PTPRE: variants seen among roughly 807,000 people sequenced by gnomAD.
PTPRE encodes the protein protein tyrosine phosphatase receptor type E, also known as receptor-type tyrosine-protein phosphatase epsilon.
Under a neutral mutation model 102.0 loss-of-function variants are expected in PTPRE, and 51 were observed. The observed-to-expected ratio is 0.50, with a 90% CI of 0.40 to 0.63. The LOEUF is 0.63. PTPRE is among the 30% of genes least tolerant of loss of function. The probability of loss-of-function intolerance (pLI) is 0.00; values close to 1 mark genes in which losing one functional copy is unlikely to be tolerated. For missense variants in PTPRE, 752 were observed against 915.1 expected, an observed-to-expected ratio of 0.82 and a Z score of 2.30; for synonymous variants, 345 against 348.2, an observed-to-expected ratio of 0.99 and a Z score of 0.10.
chr10:127,908,576 T>C (rs1014240175), intron 1 of PTPRE, among the ~76,000 whole-genome samples: 1 of 152,110 alleles, frequency 6.6e-6, no homozygotes, highest in Non-Finnish European at 1.5e-5. Context: ...TGGGCAGAGC[T>C]CTGTGGTGTG....
intron 19 of PTPRE, among the ~76,000 whole-genome samples, chr10:128,078,928 C>A (rs550384908): frequency 6.3e-4 from 96 of 152,276 alleles, no homozygotes; most frequent in African/African-American, 1.9e-3. Flanking sequence ...GCCGGTCCAC[C>A]CCACCTCCTC....
chr10:128,055,596 C>A (rs1848889219), intron 6 of PTPRE, among the ~76,000 whole-genome samples: 1 of 152,128 alleles, frequency 6.6e-6, no homozygotes, highest in Non-Finnish European at 1.5e-5. Context: ...ACAGAGCACA[C>A]CTGGAGTCTT....
intron 2 of PTPRE, among the ~76,000 whole-genome samples, chr10:128,017,156 AG>A (rs1845501417): frequency 6.6e-6 from 1 of 152,140 alleles, no homozygotes; most frequent in Non-Finnish European, 1.5e-5. Context: ...CAGTGAAAAG[AG>A]GGCAGTTCGG....
chr10:128,058,321 C>T (rs117431489), intron 7 of PTPRE, among the ~76,000 whole-genome samples: 1 of 152,330 alleles, frequency 6.6e-6, no homozygotes, highest in Non-Finnish European at 1.5e-5. Flanking sequence ...TTCTCTGAGC[C>T]GCGTTCTCCA....
rs138653229 is a variant in PTPRE at position 128,070,417 on chromosome 10, C to T, written c.1260C>T (p.His420=). The change falls in exon 14 of 21, where the codon CAC becomes CAT. Residue 420 remains histidine, a synonymous_variant. Coordinates refer to ENST00000254667, the MANE Select transcript of PTPRE (RefSeq NM_006504.6). This position sits in a 1 kb window ranked among gnomAD's most constrained non-coding sequence, Gnocchi z 4.8. ...AGACCATGCACGGCACCACCACCCA[C>T]TTCGACAAGATCGGGCTGGAGGAGG... ...HLQTMHGTTT[H]FDKIGLEEEF... 45 of 1,614,084 alleles carry T rather than the reference C, an allele frequency of 2.8e-5. No individual in the cohort carries two copies. The African/African-American group carries it at 3.7e-4, about 13-fold the overall frequency.
At chr10:128,062,917 C>G in intron 9 of PTPRE, 166 bp from the exon 10 acceptor site, 1 of 1,252,706 alleles carries the variant, frequency 8.0e-7, no homozygotes, top group Non-Finnish European at 1.1e-6. Flanking sequence ...GGACAGGCAG[C>G]CCCTACCGGT....
At chr10:127,997,182 C>A (rs1208552874) in intron 2 of PTPRE, among the ~76,000 whole-genome samples, 4 of 152,142 alleles carry the variant, frequency 2.6e-5, no homozygotes, top group African/African-American at 4.8e-5. Flanking sequence ...TATTTCTCCC[C>A]TTTTGATCAA....
At chr10:127,938,490 A>G (rs938108702) in intron 1 of PTPRE, among the ~76,000 whole-genome samples, 1 of 152,136 alleles carries the variant, frequency 6.6e-6, no homozygotes, top group Non-Finnish European at 1.5e-5. Flanking sequence ...GATTCCTGCT[A>G]CTTAGGAGGC....
intron 1 of PTPRE, among the ~76,000 whole-genome samples, chr10:127,918,102 C>T (rs1248287846): frequency 1.3e-5 from 2 of 152,080 alleles, no homozygotes; most frequent in African/African-American, 4.8e-5. Context: ...CTCCTGCTCC[C>T]ACTTACAAAG....
At chr10:127,984,862 C>T (rs957512976) in intron 2 of PTPRE, among the ~76,000 whole-genome samples, 3 of 152,300 alleles carry the variant, frequency 2.0e-5, no homozygotes, top group African/African-American at 7.2e-5. Flanking sequence ...TTGTAAATTG[C>T]CCAGTCTTGG....
intron 2 of PTPRE, among the ~76,000 whole-genome samples, chr10:128,030,405 G>GA (rs1846647113): frequency 6.6e-6 from 1 of 152,174 alleles, no homozygotes; most frequent in Admixed American, 6.5e-5. Flanking sequence ...GGGAAAGAGA[G>GA]AGAGAGAGAA....
At chr10:127,940,106 G>A (rs971764681) in intron 1 of PTPRE, among the ~76,000 whole-genome samples, 2 of 152,020 alleles carry the variant, frequency 1.3e-5, no homozygotes, top group African/African-American at 4.8e-5. Context: ...GCAGGTGCAG[G>A]CAGATGTGAG....
intron 1 of PTPRE, among the ~76,000 whole-genome samples, chr10:127,960,749 C>T (rs531354258): frequency 2.4e-4 from 36 of 152,264 alleles, no homozygotes; most frequent in South Asian, 4.1e-4. Flanking sequence ...AACAGCCGGG[C>T]GCGGTGGCTC....
Position 128,070,176 on chromosome 10 carries a change from C to T in PTPRE, c.1144-125C>T. 1 of 1,173,678 alleles carries T rather than the reference C, an allele frequency of 8.5e-7. No homozygotes were observed. 72.7% of individuals were successfully genotyped at this position (1,173,678 alleles called of 1,614,324 possible). On this transcript the variant is annotated intron_variant, in intron 13 of 20. Coordinates refer to ENST00000254667, the MANE Select transcript of PTPRE (RefSeq NM_006504.6). This position sits in a 1 kb window ranked among gnomAD's most constrained non-coding sequence, Gnocchi z 4.8. ...GTGGCCGGTACTCTGACTCTTGCCT[C>T]ACACCTCCTTGTGTTGGCAAAAAGA...
chr10:128,051,541 T>C (rs921916094), intron 6 of PTPRE, among the ~76,000 whole-genome samples: 3 of 152,252 alleles, frequency 2.0e-5, no homozygotes, highest in Non-Finnish European at 2.9e-5. Context: ...CAGCTACTCA[T>C]CCTGCCATTA....
Position 128,028,084 on chromosome 10 carries a change from G to A in PTPRE, c.-7-12791G>A, listed in dbSNP as rs61875261. 0.04 allele frequency among the ~76,000 whole-genome samples: 6,097 copies of A among 152,322 alleles called. 172 individuals carry two copies. Among genetic ancestry groups the A allele is most frequent in the Middle Eastern group, 0.088 (26 of 294 alleles). ...GCGTGGGAGTCTCCAGAGGCAGCGA[G>A]CCCAGGACACTGATGGTGCAGACCA... On this transcript the variant is annotated intron_variant, in intron 2 of 20. Coordinates refer to ENST00000254667, the MANE Select transcript of PTPRE (RefSeq NM_006504.6). The surrounding 1 kb of genome is among the most constrained non-coding windows in gnomAD (Gnocchi z 4.5).
At chr10:127,955,317 C>T (rs1174712912) in intron 1 of PTPRE, among the ~76,000 whole-genome samples, 2 of 151,828 alleles carry the variant, frequency 1.3e-5, no homozygotes, top group Non-Finnish European at 2.9e-5. Flanking sequence ...TACATACATA[C>T]ATACATATAT....
At chr10:128,021,404 G>A (rs1031008563) in intron 2 of PTPRE, among the ~76,000 whole-genome samples, 4 of 152,288 alleles carry the variant, frequency 2.6e-5, no homozygotes, top group Admixed American at 6.5e-5. Flanking sequence ...CCCCCTCCCC[G>A]TGTTCAGGGA....
chr10:128,031,803 A>C (rs73382098), intron 2 of PTPRE, among the ~76,000 whole-genome samples: 165 of 152,256 alleles, frequency 1.1e-3, no homozygotes, highest in African/African-American at 3.7e-3. Context: ...AGAAGGAAAA[A>C]TATGAGCAGG....
Sources: allele counts gnomAD v4.1 joint callset (sites outside exome capture counted in the v4.1 genomes callset), GRCh38; gene constraint gnomAD v4.1.1; non-coding constraint Gnocchi (gnomAD v3.1); transcripts MANE v1.5; gene names NCBI Gene and HGNC (gene_info 2026-07-23, HGNC 2026-07-21).